Variants in NRIP1 observed in about 807,000 individuals in gnomAD.
The protein encoded by NRIP1 is nuclear receptor-interacting protein 1.
Under a neutral mutation model 75.0 loss-of-function variants are expected in NRIP1, and 28 were observed. That is an observed-to-expected ratio of 0.37 (90% CI 0.28 to 0.51). NRIP1 has a LOEUF of 0.51. Ranked by LOEUF, NRIP1 falls within the 20% of genes least tolerant of loss-of-function variation. NRIP1 has a pLI of 0.92. For missense variants in NRIP1, 1,435 were observed against 1,343.7 expected, an observed-to-expected ratio of 1.07 and a Z score of -1.06; for synonymous variants, 526 against 487.6, an observed-to-expected ratio of 1.08 and a Z score of -1.04.
rs550963374 is a variant in NRIP1, at chr21:15,054,481, T to A, written c.-538+10264A>T. Reference sequence around the variant, plus strand: ...CAAAACAAATTATTTCAAGTACCAATTAATTATAATGTCAATAACAGTCAG... The same window carrying A: ...CAAAACAAATTATTTCAAGTACCAAATAATTATAATGTCAATAACAGTCAG... On this transcript the variant is annotated intron_variant, in intron 1 of 3. Transcript: ENST00000318948. 2.6e-5 allele frequency among the ~76,000 whole-genome samples: 4 copies of A among 152,340 alleles called. No individual in the cohort carries two copies. In the East Asian group the frequency reaches 7.7e-4, roughly 29 times the overall value.
At chr21:15,060,388 C>T (rs549523342) in intron 1 of NRIP1, among the ~76,000 whole-genome samples, 110 of 152,152 alleles carry the variant, frequency 7.2e-4, no homozygotes, top group South Asian at 1.9e-3. Context: ...CTCTATTTTC[C>T]CCCTACCATG....
intron 2 of NRIP1, among the ~76,000 whole-genome samples, chr21:15,022,030 C>T (rs1323790665): frequency 2.0e-5 from 3 of 152,170 alleles, no homozygotes; most frequent in Admixed American, 1.3e-4. Context: ...ACCCAGCAAT[C>T]CCATTACTGG....
intron 3 of NRIP1, among the ~76,000 whole-genome samples, chr21:14,986,115 T>C (rs1240637162): frequency 1.3e-5 from 2 of 152,208 alleles, no homozygotes; most frequent in Admixed American, 6.6e-5. Flanking sequence ...TTGAGCCCTT[T>C]AAATGTGTGA....
chr21:15,019,228 C>T (rs1322369605), intron 2 of NRIP1, among the ~76,000 whole-genome samples: 1 of 149,420 alleles, frequency 6.7e-6, no homozygotes, highest in African/African-American at 2.4e-5. Context: ...TAATATCATA[C>T]TAATGGTGAA....
chr21:15,033,519 C>A (rs2088761048), intron 2 of NRIP1, among the ~76,000 whole-genome samples: 1 of 152,148 alleles, frequency 6.6e-6, no homozygotes, highest in African/African-American at 2.4e-5. Flanking sequence ...GGCTGAAATG[C>A]AGTTTCTTAA....
intron 1 of NRIP1, among the ~76,000 whole-genome samples, chr21:15,060,543 C>T (rs2089403062): frequency 6.6e-6 from 1 of 152,124 alleles, no homozygotes; most frequent in Non-Finnish European, 1.5e-5. Flanking sequence ...GATGAAGACC[C>T]TTGTAAAATT....
At chr21:15,063,647 A>C (rs1202740138) in intron 1 of NRIP1, among the ~76,000 whole-genome samples, 3 of 152,202 alleles carry the variant, frequency 2.0e-5, no homozygotes, top group Non-Finnish European at 4.4e-5. Context: ...TCCTCTAAGG[A>C]CACAATTTCC....
intron 2 of NRIP1, among the ~76,000 whole-genome samples, chr21:15,036,876 A>G (rs2147292154): frequency 6.6e-6 from 1 of 152,272 alleles, no homozygotes; most frequent in Non-Finnish European, 1.5e-5. Flanking sequence ...AAATATGAAA[A>G]ACTAAGGATA....
Position 14,966,101 on chromosome 21 carries a change from G to A in NRIP1, c.2092C>T (p.Leu698Phe), listed in dbSNP as rs2086730013. 5 of 1,612,204 alleles carry A rather than the reference G, an allele frequency of 3.1e-6. No homozygotes were observed. Among genetic ancestry groups the A allele is most frequent in the Non-Finnish European group, 4.2e-6 (5 of 1,179,944 alleles). Residue 698 changes from leucine to phenylalanine, a missense_variant, in exon 4 of 4, where the codon CTT (leucine) becomes TTT (phenylalanine). Coordinates refer to ENST00000318948, the MANE Select transcript of NRIP1 (RefSeq NM_003489.4). ...AGATTTTCTATTTCAGAACCAGAAA[G>A]CCCTGGTTCAGGACCTGTTGGTTGA... is the stretch of plus-strand genomic sequence containing the variant. ...SSQPTGPEPG[L>F]SGSEIENLLE...
chr21:15,050,666 G>A, intron 1 of NRIP1: 1 of 452,692 alleles, frequency 2.2e-6, no homozygotes, highest in South Asian at 1.6e-5. Flanking sequence ...CTTAAAGCAA[G>A]TACATATGTG....
intron 1 of NRIP1, among the ~76,000 whole-genome samples, chr21:15,058,053 A>G (rs937198085): frequency 2.0e-5 from 3 of 152,220 alleles, no homozygotes; most frequent in African/African-American, 4.8e-5. Flanking sequence ...TTTACTGTCA[A>G]CAACGGCATA....
rs1379333060 is a variant in NRIP1 at position 14,968,079 on chromosome 21, G to C, written c.114C>G (p.Asp38Glu). The change falls in exon 4 of 4, where the codon GAC becomes GAG. Residue 38 changes from aspartate to glutamate, a missense_variant. Coordinates refer to ENST00000318948, the MANE Select transcript of NRIP1 (RefSeq NM_003489.4). ...CTTCATTATGCCCAGCAGACTTTTT[G>C]TCAACGGCAGTACCTGATCCCCCTG... ...QAAGGSGTAV[D>E]KKSAGHNEED... 2 of 1,614,042 alleles carry C rather than the reference G, an allele frequency of 1.2e-6. No homozygotes were observed. Among genetic ancestry groups the C allele is most frequent in the Non-Finnish European group, 8.5e-7 (1 of 1,179,992 alleles).
At chr21:15,040,340 T>G (rs2088925795) in intron 2 of NRIP1, among the ~76,000 whole-genome samples, 1 of 152,098 alleles carries the variant, frequency 6.6e-6, no homozygotes, top group Non-Finnish European at 1.5e-5. Flanking sequence ...CTAGAAACTT[T>G]AACATTTAAA....
chr21:15,053,096 TAC>T (rs2089236569), intron 1 of NRIP1, among the ~76,000 whole-genome samples: 2 of 152,202 alleles, frequency 1.3e-5, no homozygotes, highest in African/African-American at 4.8e-5. Flanking sequence ...CCCTAAACTT[TAC>T]AGTTTTAAAG....
At chr21:15,018,896 T>C (rs1296264428) in intron 2 of NRIP1, among the ~76,000 whole-genome samples, 1 of 152,080 alleles carries the variant, frequency 6.6e-6, no homozygotes, top group Non-Finnish European at 1.5e-5. Flanking sequence ...ACATTCATGC[T>C]TTGTCCCCAT....
Position 15,056,542 on chromosome 21 carries a change from T to C in NRIP1, c.-538+8203A>G, listed in dbSNP as rs542216230. Reference sequence around the variant, plus strand: ...AAAAAGCATGGATCAGTTAAGGAAATAATATAAGTTCATTCTGATCTTTAG... The same window carrying C: ...AAAAAGCATGGATCAGTTAAGGAAACAATATAAGTTCATTCTGATCTTTAG... On this transcript the variant is annotated intron_variant, in intron 1 of 3. Transcript: ENST00000318948. Among the ~76,000 whole-genome samples, 15 of 152,296 alleles carry C rather than the reference T, an allele frequency of 9.8e-5. No homozygotes were observed. The South Asian group carries it at 1.9e-3, about 19-fold the overall frequency.
chr21:15,053,660 C>T (rs890026958), intron 1 of NRIP1, among the ~76,000 whole-genome samples: 1 of 152,146 alleles, frequency 6.6e-6, no homozygotes, highest in African/African-American at 2.4e-5. Flanking sequence ...GAGGAAAGCA[C>T]ACAGTAGAAC....
rs772932117 is a variant in NRIP1 at position 14,996,030 on chromosome 21, C to T, written c.-335+18314G>A. 3.2e-4 allele frequency among the ~76,000 whole-genome samples: 48 copies of T among 152,220 alleles called. 1 individual carries two copies. The highest frequency in any genetic ancestry group is 5.1e-4 in the African/African-American group (21 of 41,528). The stretch of plus-strand genomic sequence containing the variant: ...GCTCATTCATTACGCTCCAGCCAGG[C>T]GATGTCCAACAGAAATGTAATGGGA... On this transcript the variant is annotated intron_variant, in intron 3 of 3. Coordinates refer to ENST00000318948, the MANE Select transcript of NRIP1 (RefSeq NM_003489.4).
At chr21:15,020,954 G>A (rs1320633280) in intron 2 of NRIP1, among the ~76,000 whole-genome samples, 3 of 151,938 alleles carry the variant, frequency 2.0e-5, no homozygotes, top group African/African-American at 4.8e-5. Flanking sequence ...CATTGCTGGT[G>A]AGAATGTAAA....
Sources: gnomAD v4.1 joint callset for allele counts (sites outside exome capture counted in the v4.1 genomes callset) on GRCh38, gnomAD v4.1.1 for gene constraint, MANE v1.5 for transcripts, NCBI Gene and HGNC (gene_info 2026-07-23, HGNC 2026-07-21) for gene names.